EXOC4: variants seen among roughly 807,000 people sequenced by gnomAD.
The protein encoded by EXOC4 is SEC8-like 1.
Under a neutral mutation model 107.2 loss-of-function variants are expected in EXOC4, and 71 were observed. The ratio of observed to expected loss-of-function variants is 0.66; its 90% CI spans 0.55 to 0.81. The LOEUF (loss-of-function observed/expected upper bound fraction) is 0.81, where lower values mean the gene tolerates loss of function less well. EXOC4 is among the 30% of genes least tolerant of loss of function. The pLI is 0.00. For missense variants in EXOC4, 1,108 were observed against 1,189.6 expected (o/e 0.93, Z 1.01); for synonymous variants, 456 against 441.2 (o/e 1.03, Z -0.42).
the EXOC4 span, among the ~76,000 whole-genome samples, chr7:134,077,914 T>C: frequency 2.6e-5 from 4 of 152,176 alleles, no homozygotes; most frequent in African/African-American, 7.2e-5. Flanking sequence ...ATCTATAAAC[T>C]CATTCCATAA....
chr7:133,860,057 G>A (rs1798500586), intron 11 of EXOC4, among the ~76,000 whole-genome samples: 1 of 152,166 alleles, frequency 6.6e-6, no homozygotes, highest in African/African-American at 2.4e-5. Context: ...AAGGTCAAAT[G>A]TTGGCAATTT....
chr7:133,813,280 T>G (rs1357622355), intron 10 of EXOC4, among the ~76,000 whole-genome samples: 4 of 152,058 alleles, frequency 2.6e-5, no homozygotes, highest in Non-Finnish European at 5.9e-5. Context: ...TAATTTAGAG[T>G]CTTCTGCCCA....
At chr7:133,351,917 C>T (rs528088828) in intron 5 of EXOC4, among the ~76,000 whole-genome samples, 1 of 151,658 alleles carries the variant, frequency 6.6e-6, no homozygotes, top group Admixed American at 6.6e-5. Flanking sequence ...TTCTAATTTC[C>T]TTTGAGGTTT....
chr7:133,637,302 TA>T (rs1260468888), intron 10 of EXOC4, among the ~76,000 whole-genome samples: 1 of 152,224 alleles, frequency 6.6e-6, no homozygotes, highest in Non-Finnish European at 1.5e-5. Flanking sequence ...AAGGCATATA[TA>T]ATTTGCTGTT....
chr7:134,013,869 TA>T (rs772940062), intron 17 of EXOC4, among the ~76,000 whole-genome samples: 7 of 150,574 alleles, frequency 4.6e-5, no homozygotes, highest in Non-Finnish European at 1.0e-4. Flanking sequence ...GCTGTAACAA[TA>T]AAAAAAAAGA....
intron 1 of EXOC4, among the ~76,000 whole-genome samples, chr7:133,269,302 G>A (rs1288422568): frequency 6.6e-6 from 1 of 152,144 alleles, no homozygotes; most frequent in Non-Finnish European, 1.5e-5. Flanking sequence ...TTTGTAACAT[G>A]TATAGTAGAA....
chr7:133,734,677 T>G (rs1418304021), intron 10 of EXOC4, among the ~76,000 whole-genome samples: 1 of 152,108 alleles, frequency 6.6e-6, no homozygotes, highest in Non-Finnish European at 1.5e-5. Flanking sequence ...AGCACTGACA[T>G]GACATTCAAA....
chr7:133,267,894 A>G (rs1045246071), intron 1 of EXOC4, among the ~76,000 whole-genome samples: 1 of 152,144 alleles, frequency 6.6e-6, no homozygotes, highest in Non-Finnish European at 1.5e-5. Context: ...TTTACTAAGC[A>G]CTTAATGTAC....
chr7:133,987,024 A>ATT (rs968689591), intron 14 of EXOC4, among the ~76,000 whole-genome samples: 1 of 151,390 alleles, frequency 6.6e-6, no homozygotes, highest in Non-Finnish European at 1.5e-5. Flanking sequence ...TCCTATTTTT[A>ATT]TTTTTTTTTA....
chr7:133,968,339 A>T (rs1397035469), intron 14 of EXOC4, among the ~76,000 whole-genome samples: 2 of 152,170 alleles, frequency 1.3e-5, no homozygotes, highest in Non-Finnish European at 2.9e-5. Context: ...GCCCAGTTAC[A>T]TTTAAAGTTA....
chr7:133,637,621 CT>C (rs888576640), intron 10 of EXOC4, among the ~76,000 whole-genome samples: 4 of 152,122 alleles, frequency 2.6e-5, no homozygotes, highest in African/African-American at 9.7e-5. Context: ...ATTTTTCCCC[CT>C]ATGCTCAGAA....
intron 10 of EXOC4, among the ~76,000 whole-genome samples, chr7:133,748,207 A>T (rs1795718205): frequency 6.6e-6 from 1 of 152,002 alleles, no homozygotes; most frequent in South Asian, 2.1e-4. Context: ...TCATCTTTCT[A>T]CCTGGCCTAA....
At chr7:133,884,336 C>T (rs1799031593) in intron 11 of EXOC4, among the ~76,000 whole-genome samples, 1 of 152,208 alleles carries the variant, frequency 6.6e-6, no homozygotes, top group African/African-American at 2.4e-5. Flanking sequence ...ACCACCCTCG[C>T]ACCAACGACC....
At chr7:133,928,918 G>A (rs950009708) in intron 13 of EXOC4, among the ~76,000 whole-genome samples, 1 of 134,148 alleles carries the variant, frequency 7.5e-6, no homozygotes, top group Non-Finnish European at 1.6e-5. Flanking sequence ...AGAAACAGTA[G>A]TACCTTTTTT....
chr7:133,805,180 G>C (rs867080160), intron 10 of EXOC4, among the ~76,000 whole-genome samples: 1 of 152,092 alleles, frequency 6.6e-6, no homozygotes, highest in Admixed American at 6.6e-5. Context: ...TACATAAAGC[G>C]GTTTTAAAGG....
intron 7 of EXOC4, among the ~76,000 whole-genome samples, chr7:133,417,048 T>C (rs192958935): frequency 1.3e-5 from 2 of 152,288 alleles, no homozygotes; most frequent in Admixed American, 6.5e-5. Flanking sequence ...ATGAGGTCTA[T>C]ATGATTATGT....
intron 10 of EXOC4, among the ~76,000 whole-genome samples, chr7:133,813,718 T>G (rs1226295136): frequency 1.3e-5 from 2 of 152,200 alleles, no homozygotes; most frequent in Non-Finnish European, 2.9e-5. Flanking sequence ...CTATTTTATT[T>G]TTCTTTCACA....
At chr7:133,971,123 T>C (rs1324969904) in intron 14 of EXOC4, among the ~76,000 whole-genome samples, 1 of 151,810 alleles carries the variant, frequency 6.6e-6, no homozygotes, top group Non-Finnish European at 1.5e-5. Context: ...CGGGCTTGAC[T>C]TTCTGATTCT....
chr7:133,334,936 G>A (rs1795477967), intron 5 of EXOC4, among the ~76,000 whole-genome samples: 2 of 152,280 alleles, frequency 1.3e-5, no homozygotes, highest in South Asian at 4.2e-4. Flanking sequence ...TATTCATGTT[G>A]TATATGTACT....
Sources: gnomAD v4.1 joint callset for allele counts (sites outside exome capture counted in the v4.1 genomes callset) on GRCh38, gnomAD v4.1.1 for gene constraint, MANE v1.5 for transcripts, NCBI Gene and HGNC (gene_info 2026-07-23, HGNC 2026-07-21) for gene names.